The following SYNE2 variants were observed in gnomAD, a reference collection of about 807,000 sequenced individuals.
The protein encoded by SYNE2 is nesprin-2.
In SYNE2, 431 loss-of-function variants were observed where a neutral mutation model predicts 856.3. That is an observed-to-expected ratio of 0.50 (90% CI 0.47 to 0.55). The LOEUF (loss-of-function observed/expected upper bound fraction) is 0.55. Ranked by LOEUF, SYNE2 falls within the 20% of genes least tolerant of loss-of-function variation. The probability of loss-of-function intolerance (pLI) is 0.00; values close to 1 mark genes in which losing one functional copy is unlikely to be tolerated. For synonymous variants in SYNE2, 2,923 were observed against 2,872.3 expected, an observed-to-expected ratio of 1.02 and a Z score of -0.56; for missense variants, 8,129 against 8,023.2, an observed-to-expected ratio of 1.01 and a Z score of -0.50.
intron 1 of SYNE2, among the ~76,000 whole-genome samples, chr14:63,857,587 C>A (rs1214477840): frequency 6.6e-6 from 1 of 152,144 alleles, no homozygotes; most frequent in African/African-American, 2.4e-5. Flanking sequence ...CCAAAATAGT[C>A]TATGAGGGTT....
chr14:64,224,558 C>T lies in SYNE2; in HGVS notation c.20469+11C>T. On this transcript the variant is annotated intron_variant, in intron 114 of 115. Coordinates refer to ENST00000555002, the MANE Select transcript of SYNE2 (RefSeq NM_182914.3). ...GCTCCCCGAGCAAAGGTAAGAAGCC[C>T]CTTCCTTCTGTGAGAACCTCACTGG... 1 of 1,613,944 alleles carries T rather than the reference C, an allele frequency of 6.2e-7. No homozygotes were observed. Among genetic ancestry groups the T allele is most frequent in the Non-Finnish European group, 8.5e-7 (1 of 1,179,938 alleles).
chr14:63,894,579 A>G (rs1762940417), intron 1 of SYNE2, among the ~76,000 whole-genome samples: 1 of 152,076 alleles, frequency 6.6e-6, no homozygotes, highest in African/African-American at 2.4e-5. Flanking sequence ...GCAGAGGTAG[A>G]TAAAAATACA....
chr14:63,965,671 G>A (rs1489977868), intron 10 of SYNE2, among the ~76,000 whole-genome samples: 1 of 152,186 alleles, frequency 6.6e-6, no homozygotes, highest in African/African-American at 2.4e-5. Flanking sequence ...CTCCCTGTCT[G>A]TTAAGTCAAA....
At chr14:63,834,522 C>T (rs901027404) in intron 1 of SYNE2, among the ~76,000 whole-genome samples, 3 of 152,066 alleles carry the variant, frequency 2.0e-5, no homozygotes, top group African/African-American at 7.2e-5. Context: ...GAAATTAGGT[C>T]TTGCTATGTT....
rs748751522 is a variant in SYNE2, at chr14:64,141,329, A to G, written c.14977-12A>G. ...AAATTTTAAGTTTCTAAATTTTAAAACTCTCCTTTAGGAGTTTTCAAAAGA... is the reference window on the plus strand; with the variant it reads ...AAATTTTAAGTTTCTAAATTTTAAAGCTCTCCTTTAGGAGTTTTCAAAAGA... On this transcript the variant is annotated splice_polypyrimidine_tract_variant and intron_variant, in intron 80 of 115. Transcript: ENST00000555002. 6.2e-7 allele frequency: 1 copy of G among 1,606,924 alleles called. No homozygotes were observed. The highest frequency in any genetic ancestry group is 1.7e-5 in the Admixed American group (1 of 59,216).
intron 1 of SYNE2, among the ~76,000 whole-genome samples, chr14:63,860,900 G>T (rs1046189378): frequency 3.3e-5 from 5 of 152,140 alleles, no homozygotes; most frequent in Non-Finnish European, 7.3e-5. Context: ...ACATGAGCAG[G>T]GCAAAGCATG....
At chr14:64,130,270 G>C (rs1347521700) in intron 76 of SYNE2, 22 bp downstream of exon 76, 2 of 1,594,614 alleles carry the variant, frequency 1.3e-6, no homozygotes, top group South Asian at 2.2e-5. Flanking sequence ...ACATGGGTCG[G>C]GTGACCCCTT....
Position 64,105,126 on chromosome 14 carries a change from T to C in SYNE2, c.12493-2365T>C, listed in dbSNP as rs551936833. On this transcript the variant is annotated intron_variant, in intron 64 of 115. Transcript: ENST00000555002. ...TCCCATTATTTTTGCCATCGTCTTA[T>C]TTCAAGCAATTCTTATTACTTCCCT... 2.6e-5 allele frequency among the ~76,000 whole-genome samples: 4 copies of C among 152,348 alleles called. No individual in the cohort carries two copies. The South Asian group carries it at 8.3e-4, about 32-fold the overall frequency.
At chr14:63,849,505 A>G (rs1276169578), upstream of SYNE2, among the ~76,000 whole-genome samples, 7 of 152,224 alleles carry the variant, frequency 4.6e-5, no homozygotes, top group Admixed American at 6.5e-5. Flanking sequence ...TGCCCATGAC[A>G]GAGAATCAGT....
At chr14:63,959,129 C>G (rs941807892) in intron 8 of SYNE2, among the ~76,000 whole-genome samples, 3 of 152,078 alleles carry the variant, frequency 2.0e-5, no homozygotes, top group Admixed American at 6.6e-5. Flanking sequence ...AAACCAAGAT[C>G]TGGTGTGGTA....
chr14:63,838,026 A>G (rs1889919871), intron 1 of SYNE2, among the ~76,000 whole-genome samples: 1 of 152,058 alleles, frequency 6.6e-6, no homozygotes, highest in Non-Finnish European at 1.5e-5. Flanking sequence ...CAACATCAGT[A>G]GTCATTAGGG....
At chr14:64,197,419 A>G (rs754096834) in intron 99 of SYNE2, among the ~76,000 whole-genome samples, 2 of 152,196 alleles carry the variant, frequency 1.3e-5, no homozygotes, top group Non-Finnish European at 2.9e-5. Context: ...CTCTGCCCCT[A>G]AATCAGGGCT....
At position 64,090,689 on chromosome 14, in the gene SYNE2, T is replaced by C. The variant is rs11158526; in HGVS notation, c.11794-177T>C. On this transcript the variant is annotated intron_variant, in intron 59 of 115. Coordinates refer to ENST00000555002, the MANE Select transcript of SYNE2 (RefSeq NM_182914.3). ...TACTCTTGCCCCAGTTATTCTTTCC[T>C]GAGACTTTCAACTCCCGGATCATGA... is the stretch of plus-strand genomic sequence containing the variant. Among the ~76,000 whole-genome samples the C allele has an allele frequency of 0.03, 4,645 of 152,332 alleles. 106 individuals carry two copies. The highest frequency in any genetic ancestry group is 0.065 in the Admixed American group (998 of 15,300).
intron 1 of SYNE2, among the ~76,000 whole-genome samples, chr14:63,822,127 G>T (rs1363116312): frequency 6.6e-6 from 1 of 151,656 alleles, no homozygotes; most frequent in Non-Finnish European, 1.5e-5. Flanking sequence ...GGAGGCAGAG[G>T]TTGCTGTGAG....
In SYNE2 at chr14:64,000,668, G is replaced by C; in HGVS notation, c.3587G>C (p.Arg1196Thr). 1 of 1,613,386 alleles carries C rather than the reference G, an allele frequency of 6.2e-7. No homozygotes were observed. Among genetic ancestry groups the C allele is most frequent in the East Asian group, 2.2e-5 (1 of 44,800 alleles). Residue 1196 changes from arginine (R) to threonine (T), a missense_variant, in exon 28 of 116, where the codon AGA becomes ACA. Around this residue, in one of 3 missense-constraint regions of SYNE2, gnomAD observed 2,422 missense variants for 2,357.4 expected, o/e 1.03. Coordinates refer to ENST00000555002, the MANE Select transcript of SYNE2 (RefSeq NM_182914.3). ...AAAAAGCCTTTTGTAATTAAGGAAA[G>C]AGACACACTAAAGGAAAGAGAAAGA... ...DIKKPFVIKE[R>T]DTLKEREREL...
intron 49 of SYNE2, among the ~76,000 whole-genome samples, chr14:64,062,085 T>A (rs2097321863): frequency 6.6e-6 from 1 of 152,156 alleles, no homozygotes; most frequent in South Asian, 2.1e-4. Flanking sequence ...ATTTTAGTGT[T>A]TTAAAATATA....
intron 73 of SYNE2, 61 bp downstream of exon 73, chr14:64,126,868 A>C: frequency 6.7e-7 from 1 of 1,503,064 alleles, no homozygotes; most frequent in Non-Finnish European, 9.1e-7. Flanking sequence ...TGAACCCCTA[A>C]TGCCTATTCC....
At chr14:63,768,100 G>A (rs1044297793) in intron 1 of SYNE2, among the ~76,000 whole-genome samples, 1 of 151,904 alleles carries the variant, frequency 6.6e-6, no homozygotes, top group Non-Finnish European at 1.5e-5. Context: ...AGGCTGAGGT[G>A]GGATCGCTTG....
chr14:64,145,047 C>T (rs959786141), intron 83 of SYNE2, among the ~76,000 whole-genome samples: 27 of 151,596 alleles, frequency 1.8e-4, no homozygotes, highest in African/African-American at 6.5e-4. Context: ...CTGCCTCAGC[C>T]TCCCAAATAG....
Sources: gnomAD v4.1 joint callset for allele counts (sites outside exome capture counted in the v4.1 genomes callset) on GRCh38, gnomAD v4.1.1 for gene constraint, gnomAD v4.1.1 regional missense constraint, MANE v1.5 for transcripts, NCBI Gene and HGNC (gene_info 2026-07-23, HGNC 2026-07-21) for gene names.